CSMD3: variants seen among roughly 807,000 people sequenced by gnomAD.
CSMD3 encodes CUB and sushi domain-containing protein 3.
A neutral mutation model predicts 435.2 loss-of-function variants in CSMD3; 177 were observed. That is an observed-to-expected ratio of 0.41 (90% confidence interval 0.36 to 0.46). The LOEUF (loss-of-function observed/expected upper bound fraction) is 0.46. CSMD3 is among the 20% of genes least tolerant of loss of function. CSMD3 has a pLI of 0.34. For synonymous variants in CSMD3, 1,656 were observed against 1,520.5 expected, an observed-to-expected ratio of 1.09 and a Z score of -2.07; for missense variants, 4,265 against 4,504.6, an observed-to-expected ratio of 0.95 and a Z score of 1.52.
At chr8:113,246,310 T>A (rs2093275770) in intron 3 of CSMD3, among the ~76,000 whole-genome samples, 1 of 152,046 alleles carries the variant, frequency 6.6e-6, no homozygotes, top group South Asian at 2.1e-4. Context: ...GACCCATTTG[T>A]ATGTTTACTG....
intron 17 of CSMD3, among the ~76,000 whole-genome samples, chr8:112,656,863 T>C (rs1473935617): frequency 6.6e-6 from 1 of 152,102 alleles, no homozygotes; most frequent in Non-Finnish European, 1.5e-5. Flanking sequence ...AAAGTTTGTA[T>C]TTGAAAACAA....
At chr8:112,351,754 T>C (rs1040539097) in intron 39 of CSMD3, among the ~76,000 whole-genome samples, 1 of 152,022 alleles carries the variant, frequency 6.6e-6, no homozygotes, top group African/African-American at 2.4e-5. Context: ...TTAAAGACTA[T>C]AAATTATTAA....
At chr8:112,266,651 G>A (rs562325598) in intron 59 of CSMD3, among the ~76,000 whole-genome samples, 14 of 152,210 alleles carry the variant, frequency 9.2e-5, no homozygotes, top group Admixed American at 3.3e-4. Context: ...TAATATTATC[G>A]TTTCTTTATA....
intron 2 of CSMD3, among the ~76,000 whole-genome samples, chr8:113,284,210 C>T (rs930852437): frequency 7.2e-5 from 11 of 152,082 alleles, no homozygotes; most frequent in Non-Finnish European, 1.6e-4. Flanking sequence ...CAAATACCAC[C>T]TGTACCCCAA....
chr8:113,142,320 T>C (rs1305103068), intron 4 of CSMD3, among the ~76,000 whole-genome samples: 1 of 151,270 alleles, frequency 6.6e-6, no homozygotes, highest in Non-Finnish European at 1.5e-5. Flanking sequence ...TAAAATTATT[T>C]TGAAAAAGTA....
chr8:112,316,398 C>A (rs1822465936), intron 47 of CSMD3, among the ~76,000 whole-genome samples: 1 of 150,730 alleles, frequency 6.6e-6, no homozygotes, highest in African/African-American at 2.4e-5. Context: ...AATAGATAAA[C>A]CTGAAGATTG....
intron 4 of CSMD3, among the ~76,000 whole-genome samples, chr8:113,103,686 T>A (rs943635993): frequency 3.9e-5 from 6 of 152,004 alleles, no homozygotes; most frequent in African/African-American, 1.2e-4. Context: ...TATTATAATA[T>A]AAATCTATCA....
intron 2 of CSMD3, among the ~76,000 whole-genome samples, chr8:113,301,783 A>C (rs2093770399): frequency 6.6e-6 from 1 of 152,020 alleles, no homozygotes; most frequent in African/African-American, 2.4e-5. Context: ...GTATCTTTTA[A>C]ATAACTTTAT....
At chr8:112,256,868 GAA>G (rs1815854005) in intron 61 of CSMD3, among the ~76,000 whole-genome samples, 1 of 152,094 alleles carries the variant, frequency 6.6e-6, no homozygotes, top group African/African-American at 2.4e-5. Context: ...TCCAAACTGA[GAA>G]ACTTTTGAGA....
chr8:113,243,355 G>C (rs1313047677), intron 3 of CSMD3, among the ~76,000 whole-genome samples: 1 of 151,828 alleles, frequency 6.6e-6, no homozygotes, highest in Admixed American at 6.6e-5. Flanking sequence ...ATTTTCATCA[G>C]TATATTTTAT....
intron 13 of CSMD3, among the ~76,000 whole-genome samples, chr8:112,692,540 T>C (rs933333745): frequency 2.0e-5 from 3 of 152,222 alleles, no homozygotes; most frequent in African/African-American, 7.2e-5. Flanking sequence ...ATGCCTTCAA[T>C]GTCTACTGGC....
intron 13 of CSMD3, among the ~76,000 whole-genome samples, chr8:112,753,858 A>G (rs1587184147): frequency 2.0e-5 from 3 of 152,332 alleles, no homozygotes; most frequent in East Asian, 3.9e-4. Flanking sequence ...GTTTGTGCTA[A>G]TAAGTCATCT....
chr8:113,385,369 G>T (rs538468010), intron 1 of CSMD3, among the ~76,000 whole-genome samples: 1 of 152,030 alleles, frequency 6.6e-6, no homozygotes, highest in Non-Finnish European at 1.5e-5. Flanking sequence ...AAAATGAAAC[G>T]ATTTACCAAT....
At chr8:113,091,606 A>G (rs955346844) in intron 5 of CSMD3, among the ~76,000 whole-genome samples, 2 of 151,832 alleles carry the variant, frequency 1.3e-5, no homozygotes, top group African/African-American at 2.4e-5. Flanking sequence ...CTGCCGTATC[A>G]ATTATAATGT....
rs186547882 is a variant in CSMD3 at position 112,305,345 on chromosome 8, C to T, written c.8072-430G>A. Among the ~76,000 whole-genome samples the T allele has an allele frequency of 2.9e-3, 444 of 151,976 alleles. 1 individual carries two copies. The highest frequency in any genetic ancestry group is 4.9e-3 in the Non-Finnish European group (336 of 67,950). On this transcript the variant is annotated intron_variant, in intron 51 of 70. Transcript: ENST00000297405. ...TTATTAGAAACCTATGCTGAGAGTGCGAACAACTTAACAATCTTCATTTTA... is the reference window on the plus strand; with the variant it reads ...TTATTAGAAACCTATGCTGAGAGTGTGAACAACTTAACAATCTTCATTTTA...
intron 22 of CSMD3, among the ~76,000 whole-genome samples, chr8:112,628,646 C>T (rs1214317099): frequency 5.9e-5 from 9 of 152,110 alleles, no homozygotes; most frequent in Non-Finnish European, 1.3e-4. Context: ...ATTATATATT[C>T]ATTTCTTTAT....
chr8:112,635,070 T>C (rs2074619835), intron 22 of CSMD3, among the ~76,000 whole-genome samples: 1 of 152,066 alleles, frequency 6.6e-6, no homozygotes, highest in South Asian at 2.1e-4. Context: ...GTCCTTATAA[T>C]GTTAGCGTTT....
At chr8:113,102,127 A>C (rs2131561057) in intron 4 of CSMD3, among the ~76,000 whole-genome samples, 1 of 152,234 alleles carries the variant, frequency 6.6e-6, no homozygotes, top group South Asian at 2.1e-4. Context: ...CATATCCTGT[A>C]AATGACAGGA....
At chr8:112,767,212 A>G (rs2078001556) in intron 13 of CSMD3, among the ~76,000 whole-genome samples, 1 of 151,860 alleles carries the variant, frequency 6.6e-6, no homozygotes, top group Non-Finnish European at 1.5e-5. Context: ...GTTTACAAAG[A>G]TTTACAGAAA....
Sources: allele counts gnomAD v4.1 joint callset (sites outside exome capture counted in the v4.1 genomes callset), GRCh38; gene constraint gnomAD v4.1.1; transcripts MANE v1.5; gene names NCBI Gene and HGNC (gene_info 2026-07-23, HGNC 2026-07-21).